Variants in RBFOX1 observed in about 807,000 individuals in gnomAD.
RBFOX1 encodes the protein RNA binding fox-1 homolog 1.
Under a neutral mutation model 57.7 loss-of-function variants are expected in RBFOX1, and 8 were observed. That is an observed-to-expected ratio of 0.14 (90% CI 0.08 to 0.25). The LOEUF (loss-of-function observed/expected upper bound fraction) is 0.25, where lower values mean the gene tolerates loss of function less well. Ranked by LOEUF, RBFOX1 falls within the 10% of genes least tolerant of loss-of-function variation. The pLI is 1.00. For missense variants in RBFOX1, 611 were observed against 548.5 expected, an observed-to-expected ratio of 1.11 and a Z score of -1.14; for synonymous variants, 326 against 222.4, an observed-to-expected ratio of 1.47 and a Z score of -4.15.
rs1162715105 is a variant in RBFOX1, at chr16:7,223,172, G to A, written c.27+171074G>A. On this transcript the variant is annotated intron_variant, in intron 4 of 15. Coordinates refer to ENST00000550418, the MANE Select transcript of RBFOX1 (RefSeq NM_018723.4). ...CTGAAGCGAAGGGTTGACCAGCCAGGACAACAAAGGTTATTGCTTATGGCA... is the reference window on the plus strand; with the variant it reads ...CTGAAGCGAAGGGTTGACCAGCCAGAACAACAAAGGTTATTGCTTATGGCA... Among the ~76,000 whole-genome samples, 6 of 152,202 alleles carry A rather than the reference G, an allele frequency of 3.9e-5. No homozygotes were observed. The South Asian group carries it at 8.3e-4, about 21-fold the overall frequency.
At chr16:7,134,235 A>C (rs1201395146) in intron 4 of RBFOX1, among the ~76,000 whole-genome samples, 2 of 152,198 alleles carry the variant, frequency 1.3e-5, no homozygotes, top group Non-Finnish European at 2.9e-5. Flanking sequence ...GATGGTGATC[A>C]ATAGAGCTGT....
At chr16:5,366,451 C>T (rs1223210328) in intron 1 of RBFOX1, 2 of 448,650 alleles carry the variant, frequency 4.5e-6, no homozygotes, top group South Asian at 1.7e-5. Flanking sequence ...AGACTCAGAA[C>T]CATCATCAAC....
intron 2 of RBFOX1, among the ~76,000 whole-genome samples, chr16:6,430,485 C>A (rs777545587): frequency 6.6e-6 from 1 of 152,150 alleles, no homozygotes; most frequent in Admixed American, 6.5e-5. Context: ...GTTTTCTAGG[C>A]AAACTCAAGT....
intron 1 of RBFOX1, among the ~76,000 whole-genome samples, chr16:6,183,521 A>AATAC (rs1316246865): frequency 4.6e-5 from 7 of 150,664 alleles, no homozygotes; most frequent in African/African-American, 1.2e-4. Context: ...TAAATAAATA[A>AATAC]ATAAATGTAA....
intron 4 of RBFOX1, among the ~76,000 whole-genome samples, chr16:5,927,709 A>G (rs1046005680): frequency 6.6e-6 from 1 of 152,258 alleles, no homozygotes; most frequent in African/African-American, 2.4e-5. Context: ...GTGTCCTGCA[A>G]CGGATGAATG....
rs555302447 is a variant in RBFOX1 at position 6,518,734 on chromosome 16, CATCT to C, written c.-63-135864_-63-135861del. 7.9e-3 allele frequency among the ~76,000 whole-genome samples: 1,207 copies of C among 151,832 alleles called. 7 individuals carry two copies. The highest frequency in any genetic ancestry group is 0.012 in the Non-Finnish European group (834 of 67,990). On this transcript the variant is annotated intron_variant, in intron 2 of 15. Transcript: ENST00000550418. Reference sequence around the variant, plus strand: ...CCGTCCGTCCGTCCATCCATCCATCCATCTATCTCTGTCTGTCTGTCTATCCATC... The same window carrying C: ...CCGTCCGTCCGTCCATCCATCCATCCATCTCTGTCTGTCTGTCTATCCATC...
intron 2 of RBFOX1, among the ~76,000 whole-genome samples, chr16:5,560,998 G>A (rs933935219): frequency 6.6e-6 from 1 of 152,190 alleles, no homozygotes; most frequent in Non-Finnish European, 1.5e-5. Flanking sequence ...TTAATGCCAG[G>A]ACTAAACCTC....
At chr16:6,426,562 C>T (rs1168183897) in intron 2 of RBFOX1, among the ~76,000 whole-genome samples, 2 of 151,936 alleles carry the variant, frequency 1.3e-5, no homozygotes, top group East Asian at 3.9e-4. Flanking sequence ...GCCCAGGAGG[C>T]CGAGGCTGCA....
chr16:7,277,077 A>G (rs965387314), intron 4 of RBFOX1, among the ~76,000 whole-genome samples: 3 of 152,178 alleles, frequency 2.0e-5, no homozygotes, highest in African/African-American at 4.8e-5. Context: ...CAAACGTTGT[A>G]TTTTGCATTT....
At chr16:6,644,839 A>T (rs897672170) in intron 2 of RBFOX1, among the ~76,000 whole-genome samples, 1 of 152,104 alleles carries the variant, frequency 6.6e-6, no homozygotes, top group Non-Finnish European at 1.5e-5. Flanking sequence ...TGGCCTCTGG[A>T]CCACAGTTAT....
chr16:7,025,640 G>C (rs1264293682), intron 3 of RBFOX1, among the ~76,000 whole-genome samples: 1 of 152,078 alleles, frequency 6.6e-6, no homozygotes, highest in Non-Finnish European at 1.5e-5. Flanking sequence ...GGGGGTTTTG[G>C]ATAGAGGGGG....
At position 6,406,806 on chromosome 16, in the gene RBFOX1, C is replaced by G. The variant is rs141500639; in HGVS notation, c.-64+89749C>G. Among the ~76,000 whole-genome samples the G allele has an allele frequency of 7.7e-4, 117 of 152,186 alleles. No homozygotes were observed. In the Middle Eastern group the frequency reaches 0.014, roughly 18 times the overall value. ...ACCTGGGGTCAGGATCCATTCAGAG[C>G]TGGAAAACTTAAATAGACCAACTGA... On this transcript the variant is annotated intron_variant, in intron 2 of 15. Coordinates refer to ENST00000550418, the MANE Select transcript of RBFOX1 (RefSeq NM_018723.4).
chr16:5,611,777 TC>T, intron 3 of RBFOX1, among the ~76,000 whole-genome samples: 1 of 112,934 alleles, frequency 8.9e-6, no homozygotes, highest in African/African-American at 3.4e-5. Context: ...CTCCCATCCA[TC>T]CATCCATCCA....
chr16:6,794,718 T>C (rs1448797791), intron 3 of RBFOX1, among the ~76,000 whole-genome samples: 1 of 152,208 alleles, frequency 6.6e-6, no homozygotes, highest in East Asian at 1.9e-4. Flanking sequence ...TAAATCATAA[T>C]AGCAGCTTGG....
rs796307418 is a variant in RBFOX1 at position 6,607,426 on chromosome 16, C to CTG, written c.-63-47176_-63-47175insGT. Among the ~76,000 whole-genome samples, 11 of 150,686 alleles carry CTG rather than the reference C, an allele frequency of 7.3e-5. No homozygotes were observed. In the South Asian group the frequency reaches 1.9e-3, roughly 26 times the overall value. On this transcript the variant is annotated intron_variant, in intron 2 of 15. Transcript: ENST00000550418. ...GTCTTTCAGTCTCTCTCCTCTCTCT[C>CTG]TCTCTCTCTCGCTCTCTATCTCTCT...
intron 2 of RBFOX1, among the ~76,000 whole-genome samples, chr16:6,426,586 G>C (rs2152997245): frequency 6.6e-6 from 1 of 152,168 alleles, no homozygotes; most frequent in East Asian, 1.9e-4. Flanking sequence ...AGCCATGATT[G>C]TCCCAGTGCA....
At chr16:5,348,745 T>G (rs1373200715) in intron 1 of RBFOX1, among the ~76,000 whole-genome samples, 1 of 152,218 alleles carries the variant, frequency 6.6e-6, no homozygotes, top group Non-Finnish European at 1.5e-5. Context: ...TGGGAAAAGT[T>G]TCAGTTTGTG....
At chr16:5,941,194 A>G (rs1224046507) in intron 4 of RBFOX1, among the ~76,000 whole-genome samples, 1 of 152,182 alleles carries the variant, frequency 6.6e-6, no homozygotes, top group African/African-American at 2.4e-5. Flanking sequence ...TGTAGTTTTA[A>G]AAAGTAAAGA....
chr16:5,908,101 T>C lies in RBFOX1; in HGVS notation c.351+40766T>C, dbSNP rs915105499. Among the ~76,000 whole-genome samples the C allele has an allele frequency of 3.1e-4, 44 of 142,132 alleles. 3 individuals are homozygous for C. Among genetic ancestry groups the C allele is most frequent in the South Asian group, 1.3e-3 (6 of 4,734 alleles). The allele number at this position is 142,132 out of a possible 152,430, so 93.2% of individuals were successfully genotyped here. A position where few individuals can be genotyped will look rare whatever the true frequency, so the allele number is the denominator to read the frequency against. ...ATATATATATACACATATATACACA[T>C]ATATATATACACATATATACACATA... is the stretch of plus-strand genomic sequence containing the variant. On this transcript the variant is annotated intron_variant, in intron 4 of 19. Coordinates refer to the RBFOX1 transcript ENST00000641259.
Sources: allele counts gnomAD v4.1 joint callset (sites outside exome capture counted in the v4.1 genomes callset), GRCh38; gene constraint gnomAD v4.1.1; transcripts MANE v1.5; gene names NCBI Gene and HGNC (gene_info 2026-07-23, HGNC 2026-07-21).